The following ANO9 variants were observed in gnomAD, a reference collection of about 807,000 sequenced individuals.
ANO9 encodes the protein anoctamin-9.
Under a neutral mutation model 100.5 loss-of-function variants are expected in ANO9, and 80 were observed. That is an observed-to-expected ratio of 0.80 (90% CI 0.66 to 0.96). ANO9 has a LOEUF of 0.96. Ranked by LOEUF, ANO9 falls within the 40% of genes least tolerant of loss-of-function variation. The pLI is 0.00. For missense variants in ANO9, 1,064 were observed against 1,072.7 expected, an observed-to-expected ratio of 0.99 and a Z score of 0.11; for synonymous variants, 473 against 435.6, an observed-to-expected ratio of 1.09 and a Z score of -1.07.
chr11:437,020 ATGAGCGGGGGG>A lies in ANO9; in HGVS notation c.7-2933_7-2923del, dbSNP rs1313954546. On this transcript the variant is annotated intron_variant, in intron 1 of 22. Coordinates refer to ENST00000332826, the MANE Select transcript of ANO9 (RefSeq NM_001012302.3). ...GAGGTGAGCGGGGAGTGAGCTGGAG[ATGAGCGGGGGG>A]TGAGCGGGGGGTGCGTGGGGGGTGA... Among the ~76,000 whole-genome samples, 12 of 11,366 alleles carry A rather than the reference ATGAGCGGGGGG, an allele frequency of 1.1e-3. 1 individual carries two copies. The highest frequency in any genetic ancestry group is 1.6e-3 in the Non-Finnish European group (11 of 6,762). 7.5% of individuals were successfully genotyped at this position (11,366 alleles called of 152,430 possible).
rs1383397627 is a variant in ANO9, at chr11:432,132, G to GCCAGGC, written c.351-84_351-79dup. On this transcript the variant is annotated intron_variant, in intron 4 of 22. Transcript: ENST00000332826. The surrounding 1 kb of genome is among the most constrained non-coding windows in gnomAD (Gnocchi z 4.8). ...AGGTCTCAACCTGCCCTCTGGTCTG[G>GCCAGGC]CCAGGCCCAGGCCCCTCCCTGTCCT... 1.3e-5 allele frequency: 20 copies of GCCAGGC among 1,507,956 alleles called. No individual in the cohort carries two copies. Among genetic ancestry groups the GCCAGGC allele is most frequent in the African/African-American group, 1.1e-4 (8 of 72,716 alleles). 93.4% of individuals were successfully genotyped at this position (1,507,956 alleles called of 1,614,324 possible). A position where few individuals can be genotyped will look rare whatever the true frequency, so the allele number is the denominator to read the frequency against.
At position 428,069 on chromosome 11, in the gene ANO9, A is replaced by G; in HGVS notation, c.1334+19T>C. ...AGCCCTCGTGAGTTGGGTTGGAGGGAGCCTGGCGCCGGCCCTACCTGCCCA... is the reference window on the plus strand; with the variant it reads ...AGCCCTCGTGAGTTGGGTTGGAGGGGGCCTGGCGCCGGCCCTACCTGCCCA... On this transcript the variant is annotated intron_variant, in intron 15 of 22. Transcript: ENST00000332826. 6.5e-7 allele frequency: 1 copy of G among 1,550,324 alleles called. No homozygotes were observed.
chr11:418,383 G>T lies in ANO9; in HGVS notation c.2337C>A (p.Ser779Arg). The T allele has an allele frequency of 6.2e-7, 1 of 1,610,018 alleles. No individual in the cohort carries two copies. Among genetic ancestry groups the T allele is most frequent in the Non-Finnish European group, 8.5e-7 (1 of 1,178,642 alleles). Reference protein sequence around the residue: ...PTPASIFSARSTDV With the variant: ...PTPASIFSARRTDV ...ACGGGCTCTGGCCCTACACGTCTGT[G>T]CTCCTGGCACTGAAGATGGATGCTG... Residue 779 changes from serine to arginine, a missense_variant, in exon 23 of 23, where the codon AGC becomes AGA. Physicochemically the swap from Ser to Arg is moderately radical, Grantham distance 110. Transcript: ENST00000332826.
At chr11:430,431 T>C (rs1811800222) in intron 7 of ANO9, 28 bp from the exon 8 acceptor site, 1 of 1,315,226 alleles carries the variant, frequency 7.6e-7, no homozygotes, top group Non-Finnish European at 9.9e-7. Flanking sequence ...CAAGGCCAGC[T>C]GTCAGGGGGC....
At chr11:426,525 T>C (rs1848531171) in intron 15 of ANO9, among the ~76,000 whole-genome samples, 9 of 152,144 alleles carry the variant, frequency 5.9e-5, no homozygotes, top group Admixed American at 5.9e-4. Context: ...TGAGCTGTAA[T>C]GGTACCACTG....
At chr11:427,147 C>G (rs1479457304) in intron 15 of ANO9, among the ~76,000 whole-genome samples, 1 of 152,110 alleles carries the variant, frequency 6.6e-6, no homozygotes, top group Non-Finnish European at 1.5e-5. Flanking sequence ...GTCAGGAGCT[C>G]GAGACCAGCC....
intron 1 of ANO9, among the ~76,000 whole-genome samples, chr11:435,100 T>C (rs931084719): frequency 6.6e-6 from 1 of 152,122 alleles, no homozygotes; most frequent in Non-Finnish European, 1.5e-5. Context: ...TGTAGTGTAG[T>C]GTAGTATAGG....
chr11:437,883 T>C (rs990598946), intron 1 of ANO9, among the ~76,000 whole-genome samples: 2 of 152,060 alleles, frequency 1.3e-5, no homozygotes, highest in Non-Finnish European at 2.9e-5. Context: ...GAGGCTGAAA[T>C]TAGAGACCCC....
chr11:430,158 G>A lies in ANO9; in HGVS notation c.696C>T (p.His232=), dbSNP rs376047895. 4 of 1,552,754 alleles carry A rather than the reference G, an allele frequency of 2.6e-6. No individual in the cohort carries two copies. The highest frequency in any genetic ancestry group is 1.4e-5 in the African/African-American group (1 of 73,186). ...SQISKEICEA[H]DILMCPLGDH... ...CGCCGAGGGGACACATGAGGATGTC[G>A]TGGGCCTCACAGATCTCCTTGCTGA... Residue 232 remains histidine, a synonymous_variant, in exon 9 of 23, where the codon CAC becomes CAT. Transcript: ENST00000332826.
At chr11:419,107 G>C in intron 20 of ANO9, 118 bp from the exon 21 acceptor site, 1 of 1,536,664 alleles carries the variant, frequency 6.5e-7, no homozygotes, top group Non-Finnish European at 8.7e-7. Context: ...CCACGCCACA[G>C]ACTGCGTCCA....
intron 19 of ANO9, chr11:420,112 C>T (rs1214723007): frequency 3.0e-6 from 4 of 1,321,714 alleles, no homozygotes; most frequent in Admixed American, 3.4e-5. Context: ...CAGCTCCCGT[C>T]GCTCCCCTGC....
At chr11:425,853 C>T (rs889566624) in intron 15 of ANO9, among the ~76,000 whole-genome samples, 4 of 152,022 alleles carry the variant, frequency 2.6e-5, no homozygotes, top group Non-Finnish European at 4.4e-5. Context: ...CTCAGCCTCC[C>T]CAGTAGCTGG....
rs890671108 is a variant in ANO9, at chr11:422,526, T to C, written c.1335-1328A>G. 6.6e-6 allele frequency among the ~76,000 whole-genome samples: 1 copy of C among 152,058 alleles called. No homozygotes were observed. The highest frequency in any genetic ancestry group is 2.4e-5 in the African/African-American group (1 of 41,328). On this transcript the variant is annotated intron_variant, in intron 15 of 22. Coordinates refer to ENST00000332826, the MANE Select transcript of ANO9 (RefSeq NM_001012302.3). The surrounding 1 kb of genome is among the most constrained non-coding windows in gnomAD (Gnocchi z 4.3). ...GGGAGCTGGCCTGACTCAGAAGGAA[T>C]CAGAAGGACTCAGGACTCACTCAGA...
intron 1 of ANO9, among the ~76,000 whole-genome samples, chr11:435,286 C>CTAGTCTAGCA (rs959377651): frequency 1.6e-5 from 2 of 122,688 alleles, no homozygotes; most frequent in African/African-American, 3.2e-5. Flanking sequence ...CTAGTCTAGT[C>CTAGTCTAGCA]TAGCATAGCA....
At position 421,826 on chromosome 11, in the gene ANO9, C is replaced by A. The variant is rs775444711; in HGVS notation, c.1335-628G>T. Among the ~76,000 whole-genome samples, 1 of 152,222 alleles carries A rather than the reference C, an allele frequency of 6.6e-6. No individual in the cohort carries two copies. The highest frequency in any genetic ancestry group is 2.4e-5 in the African/African-American group (1 of 41,456). On this transcript the variant is annotated intron_variant, in intron 15 of 22. Coordinates refer to ENST00000332826, the MANE Select transcript of ANO9 (RefSeq NM_001012302.3). This position sits in a 1 kb window ranked among gnomAD's most constrained non-coding sequence, Gnocchi z 6.8. ...GAACTATCTTAAACCAAAAGTCAGGCTCATGGTCAGTGGTGAAATCCCAAA... is the reference window on the plus strand; with the variant it reads ...GAACTATCTTAAACCAAAAGTCAGGATCATGGTCAGTGGTGAAATCCCAAA...
At position 434,076 on chromosome 11, in the gene ANO9, A is replaced by G. The variant is rs899130504; in HGVS notation, c.29T>C (p.Leu10Pro). ...GAAGCTGTCCCCTTCGGGCTCCACC[A>G]GGATCCGGAGGCTCTCTTCGCCCTG... MQGEESLRI[L>P]VEPEGDSFPL... The change falls in exon 2 of 23, where the codon CTG becomes CCG. Residue 10 changes from leucine to proline, a missense_variant. Coordinates refer to ENST00000332826, the MANE Select transcript of ANO9 (RefSeq NM_001012302.3). The G allele has an allele frequency of 4.5e-6, 7 of 1,550,690 alleles. No individual in the cohort carries two copies. Among genetic ancestry groups the G allele is most frequent in the Non-Finnish European group, 6.1e-6 (7 of 1,147,164 alleles).
At chr11:441,765 C>A (rs1052172508) in intron 1 of ANO9, among the ~76,000 whole-genome samples, 156 bp downstream of exon 1, 1 of 152,072 alleles carries the variant, frequency 6.6e-6, no homozygotes, top group Non-Finnish European at 1.5e-5. Context: ...CTGAGCCGGG[C>A]GGTCACCCTC....
chr11:437,531 C>T (rs1220307610), intron 1 of ANO9, among the ~76,000 whole-genome samples: 1 of 152,262 alleles, frequency 6.6e-6, no homozygotes, highest in Admixed American at 6.5e-5. Context: ...CGACAGCCCA[C>T]GGACAGATAC....
chr11:420,753 T>A lies in ANO9; in HGVS notation c.1598A>T (p.Asn533Ile). 6.2e-7 allele frequency: 1 copy of A among 1,607,340 alleles called. No homozygotes were observed. Among genetic ancestry groups the A allele is most frequent in the Non-Finnish European group, 8.5e-7 (1 of 1,178,486 alleles). ...GAACTCGTCGAACAGGCTGAAGGTG[T>A]TGACCGGGTTCAGAAGGTAGTTGCG... ...WRRNYLLNPV[N>I]TFSLFDEFME... The change falls in exon 18 of 23, where the codon AAC becomes ATC. Residue 533 changes from asparagine to isoleucine, a missense_variant. Physicochemically the swap from Asn to Ile is moderately radical, Grantham distance 149. Transcript: ENST00000332826.
Sources: allele counts gnomAD v4.1 joint callset (sites outside exome capture counted in the v4.1 genomes callset), GRCh38; gene constraint gnomAD v4.1.1; non-coding constraint Gnocchi (gnomAD v3.1); transcripts MANE v1.5; gene names NCBI Gene and HGNC (gene_info 2026-07-23, HGNC 2026-07-21).